RBFOX1: variants seen among roughly 807,000 people sequenced by gnomAD.
The protein encoded by RBFOX1 is RNA binding protein fox-1 homolog 1.
RBFOX1 carries 8 observed loss-of-function variants against 57.7 expected under a neutral mutation model. The observed-to-expected ratio is 0.14, with a 90% CI of 0.08 to 0.25. The LOEUF is 0.25. Ranked by LOEUF, RBFOX1 falls within the 10% of genes least tolerant of loss-of-function variation. The pLI, the probability that RBFOX1 is intolerant of heterozygous loss-of-function variation, is 1.00. For missense variants in RBFOX1, 611 were observed against 548.5 expected, an observed-to-expected ratio of 1.11 and a Z score of -1.14; for synonymous variants, 326 against 222.4, an observed-to-expected ratio of 1.47 and a Z score of -4.15.
At chr16:6,636,459 C>G (rs765471555) in intron 2 of RBFOX1, among the ~76,000 whole-genome samples, 2 of 152,080 alleles carry the variant, frequency 1.3e-5, no homozygotes, top group East Asian at 3.9e-4. Context: ...CGTGAGCCAC[C>G]GCACCCGGCT....
chr16:6,735,732 G>T (rs74006743), intron 3 of RBFOX1, among the ~76,000 whole-genome samples: 4,517 of 152,232 alleles, frequency 0.03, 232 homozygotes, highest in African/African-American at 0.1. Context: ...AAAAGCCCCA[G>T]TGCAGGAGTC....
At chr16:7,449,080 C>T (rs1453518032) in intron 4 of RBFOX1, among the ~76,000 whole-genome samples, 1 of 151,882 alleles carries the variant, frequency 6.6e-6, no homozygotes, top group Non-Finnish European at 1.5e-5. Context: ...CAGGCATGCA[C>T]CAGCATGCCC....
At chr16:6,801,247 G>A (rs576437329) in intron 3 of RBFOX1, among the ~76,000 whole-genome samples, 6 of 150,722 alleles carry the variant, frequency 4.0e-5, no homozygotes, top group African/African-American at 1.2e-4. Context: ...ATTTTGCCAT[G>A]CAATTAAAAT....
chr16:5,952,019 A>G (rs1391096970), intron 4 of RBFOX1, among the ~76,000 whole-genome samples: 1 of 151,146 alleles, frequency 6.6e-6, no homozygotes, highest in Non-Finnish European at 1.5e-5. Context: ...ATATATATGC[A>G]CACACACACA....
intron 2 of RBFOX1, among the ~76,000 whole-genome samples, chr16:6,471,195 A>G (rs964389791): frequency 1.8e-4 from 28 of 152,166 alleles, no homozygotes; most frequent in African/African-American, 6.5e-4. Flanking sequence ...GCTGTTTCCT[A>G]TGGTTTGAAT....
chr16:6,510,795 G>A (rs1005982780), intron 2 of RBFOX1, among the ~76,000 whole-genome samples: 2 of 152,050 alleles, frequency 1.3e-5, no homozygotes, highest in Non-Finnish European at 2.9e-5. Context: ...AGTACCTGGC[G>A]GACTGCTAAA....
intron 1 of RBFOX1, among the ~76,000 whole-genome samples, chr16:5,376,409 T>A (rs1354358709): frequency 6.6e-6 from 1 of 152,020 alleles, no homozygotes. Context: ...GCTGTTGTGT[T>A]TCTCAGAGAA....
intron 4 of RBFOX1, among the ~76,000 whole-genome samples, chr16:7,104,617 G>A (rs1329393083): frequency 6.6e-6 from 1 of 152,138 alleles, no homozygotes; most frequent in East Asian, 1.9e-4. Flanking sequence ...CTGTGATATT[G>A]CTAACTCCTC....
intron 1 of RBFOX1, among the ~76,000 whole-genome samples, chr16:5,442,788 A>T (rs2068123479): frequency 6.6e-6 from 1 of 152,082 alleles, no homozygotes; most frequent in Non-Finnish European, 1.5e-5. Context: ...CCTGTTGTGG[A>T]CTGAATACTG....
intron 2 of RBFOX1, among the ~76,000 whole-genome samples, chr16:6,548,270 C>G (rs530218023): frequency 1.3e-5 from 2 of 152,124 alleles, no homozygotes; most frequent in African/African-American, 4.8e-5. Context: ...GTCAAAAAAG[C>G]TATAGTGTCC....
At chr16:6,837,908 T>G (rs2093214834) in intron 3 of RBFOX1, among the ~76,000 whole-genome samples, 1 of 152,000 alleles carries the variant, frequency 6.6e-6, no homozygotes. Flanking sequence ...AATGACAGTT[T>G]ACTGTCACCA....
At position 6,885,485 on chromosome 16, in the gene RBFOX1, A is replaced by T. The variant is rs1393585642; in HGVS notation, c.-15-166572A>T. 3.3e-5 allele frequency among the ~76,000 whole-genome samples: 5 copies of T among 152,178 alleles called. No individual in the cohort carries two copies. The South Asian group carries it at 1.0e-3, about 31-fold the overall frequency. ...AGTGATTCCTGGAGACTTTCTTGACAAAGTCCAGGATGGTGCATTAAATCT... is the reference window on the plus strand; with the variant it reads ...AGTGATTCCTGGAGACTTTCTTGACTAAGTCCAGGATGGTGCATTAAATCT... On this transcript the variant is annotated intron_variant, in intron 3 of 15. Transcript: ENST00000550418.
At chr16:5,413,678 C>G (rs1203164477) in intron 1 of RBFOX1, among the ~76,000 whole-genome samples, 1 of 152,142 alleles carries the variant, frequency 6.6e-6, no homozygotes, top group African/African-American at 2.4e-5. Context: ...CATTGTTATT[C>G]TGGGAAATAA....
At chr16:6,871,860 C>T (rs146057655) in intron 3 of RBFOX1, among the ~76,000 whole-genome samples, 52 of 151,554 alleles carry the variant, frequency 3.4e-4, no homozygotes, top group African/African-American at 1.2e-3. Flanking sequence ...CCTAAATCCG[C>T]ATCTGATGGC....
Position 7,331,798 on chromosome 16 carries a change from T to C in RBFOX1, c.28-186349T>C, listed in dbSNP as rs562317929. ...CCAAGTCAGTATAATTCCAATTATATTAATTAATATATTAATTCAATTGGA... is the reference window on the plus strand; with the variant it reads ...CCAAGTCAGTATAATTCCAATTATACTAATTAATATATTAATTCAATTGGA... On this transcript the variant is annotated intron_variant, in intron 4 of 15. Transcript: ENST00000550418. Among the ~76,000 whole-genome samples, 6 of 152,258 alleles carry C rather than the reference T, an allele frequency of 3.9e-5. No individual in the cohort carries two copies. In the South Asian group the frequency reaches 1.2e-3, roughly 32 times the overall value.
At chr16:7,695,537 C>G (rs917053974) in intron 14 of RBFOX1, among the ~76,000 whole-genome samples, 9 of 151,800 alleles carry the variant, frequency 5.9e-5, no homozygotes, top group African/African-American at 2.2e-4. Flanking sequence ...CCTGTAATCC[C>G]AACTACTCAG....
intron 5 of RBFOX1, among the ~76,000 whole-genome samples, chr16:7,556,226 C>A (rs890759074): frequency 6.6e-6 from 1 of 152,132 alleles, no homozygotes; most frequent in Non-Finnish European, 1.5e-5. Context: ...TGACGCAGCT[C>A]TTCGGTCAAA....
chr16:7,206,340 C>A (rs73547514), intron 4 of RBFOX1, among the ~76,000 whole-genome samples: 17,610 of 151,814 alleles, frequency 0.12, 1,202 homozygotes, highest in African/African-American at 0.16. Context: ...TTGACTTTGC[C>A]TTGCCAAGTA....
chr16:6,992,913 G>C (rs2091730526), intron 3 of RBFOX1, among the ~76,000 whole-genome samples: 3 of 151,440 alleles, frequency 2.0e-5, no homozygotes, highest in Admixed American at 2.0e-4. Context: ...TCATTCACAA[G>C]GAATTATAAT....
Sources: gnomAD v4.1 joint callset for allele counts (sites outside exome capture counted in the v4.1 genomes callset) on GRCh38, gnomAD v4.1.1 for gene constraint, MANE v1.5 for transcripts, NCBI Gene and HGNC (gene_info 2026-07-23, HGNC 2026-07-21) for gene names.